TNXB: variants seen among roughly 807,000 people sequenced by gnomAD.
TNXB encodes the protein tenascin-X.
In TNXB, 183 loss-of-function variants were observed where a neutral mutation model predicts 340.5. That is an observed-to-expected ratio of 0.54 (90% CI 0.48 to 0.61). The LOEUF (loss-of-function observed/expected upper bound fraction) is 0.61, where lower values mean the gene tolerates loss of function less well. Ranked by LOEUF, TNXB falls within the 20% of genes least tolerant of loss-of-function variation. TNXB has a pLI of 0.00. For synonymous variants in TNXB, 2,121 were observed against 2,314.5 expected (o/e 0.92, Z 2.40); for missense variants, 4,613 against 5,446.4 (o/e 0.85, Z 4.82).
At chr6:32,106,828 C>T (rs1161891297) in intron 1 of TNXB, among the ~76,000 whole-genome samples, 1 of 152,254 alleles carries the variant, frequency 6.6e-6, no homozygotes, top group Non-Finnish European at 1.5e-5. Flanking sequence ...ATGCTAATCA[C>T]TCCCACACCC....
chr6:32,087,565 C>A lies in TNXB; in HGVS notation c.2779+1220G>T. The A allele has an allele frequency of 2.3e-6, 1 of 426,492 alleles. No individual in the cohort carries two copies. Among genetic ancestry groups the A allele is most frequent in the Admixed American group, 2.5e-5 (1 of 39,500 alleles). 26.4% of individuals were successfully genotyped at this position (426,492 alleles called of 1,614,324 possible). On this transcript the variant is annotated intron_variant, in intron 6 of 43. Transcript: ENST00000644971. The surrounding 1 kb of genome is among the most constrained non-coding windows in gnomAD (Gnocchi z 9.0). ...GCCTTCAGGCGAGAGGCCGTAGATT[C>A]CCTGGTTGGAGTCCCGTTTCCTGGT...
In TNXB at chr6:32,061,751, G is replaced by A. The variant is rs539876008; in HGVS notation, c.7169-31C>T. The A allele has an allele frequency of 2.7e-5, 43 of 1,600,730 alleles. No individual in the cohort carries two copies. In the East Asian group the frequency reaches 9.6e-4, roughly 36 times the overall value. ...AAAAAGGGACACAGAGAGGATGGCA[G>A]GGTCCCTGGGGGATGTGCTTACGTC... is the stretch of plus-strand genomic sequence containing the variant. On this transcript the variant is annotated intron_variant, in intron 20 of 43. Transcript: ENST00000644971. This position sits in a 1 kb window ranked among gnomAD's most constrained non-coding sequence, Gnocchi z 4.4.
At chr6:32,053,923 A>G (rs977850740) in intron 24 of TNXB, among the ~76,000 whole-genome samples, 2 of 115,600 alleles carry the variant, frequency 1.7e-5, no homozygotes, top group African/African-American at 6.6e-5. Context: ...ACCTCCCAAC[A>G]CCCAGGCCAC....
chr6:32,061,869 A>T lies in TNXB; in HGVS notation c.7169-149T>A. ...ACCTGAGGTCAGTTCAGAGAGGCCC[A>T]TTCTTGGGGTCCTGCTCAGCTGACA... On this transcript the variant is annotated intron_variant, in intron 20 of 43. Coordinates refer to ENST00000644971, the MANE Select transcript of TNXB (RefSeq NM_001365276.2). This position sits in a 1 kb window ranked among gnomAD's most constrained non-coding sequence, Gnocchi z 4.4. The T allele has an allele frequency of 1.7e-6, 2 of 1,199,920 alleles. No individual in the cohort carries two copies. The highest frequency in any genetic ancestry group is 2.3e-6 in the Non-Finnish European group (2 of 877,534). The allele number at this position is 1,199,920 out of a possible 1,614,324, so 74.3% of individuals were successfully genotyped here. A position where few individuals can be genotyped will look rare whatever the true frequency, so the allele number is the denominator to read the frequency against.
At chr6:32,054,370 A>G (rs150622545) in intron 24 of TNXB, among the ~76,000 whole-genome samples, 6,489 of 152,206 alleles carry the variant, frequency 0.043, 217 homozygotes, top group East Asian at 0.11. Flanking sequence ...CCACATCCTC[A>G]TCCCTGGGAG....
rs973135053 is a variant in TNXB, at chr6:32,097,060, C to T, written c.793G>A (p.Val265Met). 7.4e-6 allele frequency: 12 copies of T among 1,613,622 alleles called. No individual in the cohort carries two copies. The highest frequency in any genetic ancestry group is 1.1e-5 in the South Asian group (1 of 91,076). Residue 265 changes from valine (V) to methionine (M), a missense_variant, in exon 3 of 44, where the codon GTG (valine) becomes ATG (methionine). Physicochemically the swap from Val to Met is conservative, Grantham distance 21. This residue lies in a region of TNXB where 4,327 missense variants were observed against 4,859.4 expected (regional missense o/e 0.89). Coordinates refer to ENST00000644971, the MANE Select transcript of TNXB (RefSeq NM_001365276.2). The surrounding 1 kb of genome is among the most constrained non-coding windows in gnomAD (Gnocchi z 5.9). ...TCACCAGTGTAGCCTGGGTCACACA[C>T]GCAGCGCCCACCCTCACAGCGTCCC... ...QRGRCEGGRCVCDPGYTGDDC... is the reference protein window; with the variant it reads ...QRGRCEGGRCMCDPGYTGDDC...
In TNXB at chr6:32,097,682, AC is replaced by A; in HGVS notation, c.403+113del. On this transcript the variant is annotated intron_variant, in intron 2 of 43. Transcript: ENST00000644971. The surrounding 1 kb of genome is among the most constrained non-coding windows in gnomAD (Gnocchi z 5.9). ...AAGTTGTGTTCTGGGCTGCATCCAC[AC>A]CCCTCATGGTGAGGAAGGAGTGCCT... The A allele has an allele frequency of 7.9e-7, 1 of 1,272,534 alleles. No homozygotes were observed. Among genetic ancestry groups the A allele is most frequent in the Non-Finnish European group, 1.1e-6 (1 of 949,428 alleles). The allele number at this position is 1,272,534 out of a possible 1,614,324, so 78.8% of individuals were successfully genotyped here.
rs2151914948 is a variant in TNXB, at chr6:32,068,693, T to C, written c.5917A>G (p.Lys1973Glu). The change falls in exon 17 of 44, where the codon AAG becomes GAG. Residue 1973 changes from lysine to glutamate, a missense_variant. Transcript: ENST00000644971. This position sits in a 1 kb window ranked among gnomAD's most constrained non-coding sequence, Gnocchi z 5.3. ...GTTGCGGTGGGAGGTTCTGAAGGCT[T>C]CTCCTCCTCCGGGACTGGACAGAGA... is the stretch of plus-strand genomic sequence containing the variant. ...VEALTVPEEEKPSEPPTATPE... is the reference protein window; with the variant it reads ...VEALTVPEEEEPSEPPTATPE... The C allele has an allele frequency of 6.2e-7, 1 of 1,613,040 alleles. No individual in the cohort carries two copies. The highest frequency in any genetic ancestry group is 8.5e-7 in the Non-Finnish European group (1 of 1,179,446).
chr6:32,067,132 G>GAAGA lies in TNXB; in HGVS notation c.6544+525_6544+528dup, dbSNP rs9281648. On this transcript the variant is annotated intron_variant, in intron 18 of 43. Transcript: ENST00000644971. The surrounding 1 kb of genome is among the most constrained non-coding windows in gnomAD (Gnocchi z 4.2). The stretch of plus-strand genomic sequence containing the variant: ...AAGAAAGAGAAAGAAAGAAAGGAAG[G>GAAGA]AAGAAAGAAAGAAAGAAAGAAAGAA... Among the ~76,000 whole-genome samples, 14,806 of 117,740 alleles carry GAAGA rather than the reference G, an allele frequency of 0.13. 1,027 individuals carry two copies. The highest frequency in any genetic ancestry group is 0.16 in the Admixed American group (1,736 of 10,810). The allele number at this position is 117,740 out of a possible 152,430, so 77.2% of individuals were successfully genotyped here.
intron 1 of TNXB, among the ~76,000 whole-genome samples, chr6:32,104,538 T>C (rs991446820): frequency 3.3e-5 from 5 of 152,192 alleles, no homozygotes; most frequent in Admixed American, 2.0e-4. Context: ...CTCATAAACA[T>C]CTCTTTAATT....
In TNXB at chr6:32,046,455, A is replaced by T. The variant is rs184661158; in HGVS notation, c.10326T>A (p.Ala3442=). ...GGGGAGGTAGCTCCTTCTCCAGGGGAGCTGTGCAGAGGGAGGAGGGAAAGC... is the reference window on the plus strand; with the variant it reads ...GGGGAGGTAGCTCCTTCTCCAGGGGTGCTGTGCAGAGGGAGGAGGGAAAGC... ...LGPISADSTT[A]PLEKELPPHL... is the part of the protein sequence containing the mutation. The change falls in exon 31 of 44, where the codon GCT becomes GCA. Residue 3442 remains alanine, a splice_region_variant and synonymous_variant. Coordinates refer to ENST00000644971, the MANE Select transcript of TNXB (RefSeq NM_001365276.2). This position sits in a 1 kb window ranked among gnomAD's most constrained non-coding sequence, Gnocchi z 6.9. The T allele has an allele frequency of 1.3e-6, 2 of 1,569,898 alleles. No individual in the cohort carries two copies. The highest frequency in any genetic ancestry group is 4.6e-5 in the East Asian group (2 of 43,908).
At position 32,067,750 on chromosome 6, in the gene TNXB, C is replaced by G. The variant is rs763266186; in HGVS notation, c.6455G>C (p.Gly2152Ala). 3 of 1,613,660 alleles carry G rather than the reference C, an allele frequency of 1.9e-6. No homozygotes were observed. The highest frequency in any genetic ancestry group is 2.5e-6 in the Non-Finnish European group (3 of 1,179,894). The change falls in exon 18 of 44, where the codon GGC becomes GCC. Residue 2152 changes from glycine (G) to alanine (A), a missense_variant. By Grantham distance (60) the Gly-to-Ala change is moderately conservative. This residue lies in a region of TNXB where 4,327 missense variants were observed against 4,859.4 expected (regional missense o/e 0.89). Transcript: ENST00000644971. This position sits in a 1 kb window ranked among gnomAD's most constrained non-coding sequence, Gnocchi z 4.2. ...GGEESEVTVG[G>A]LEPGRKYKMH... is the part of the protein sequence containing the mutation. ...CTTGTACTTGCGCCCAGGCTCCAGG[C>G]CCCCCACGGTGACTTCACTCTCCTC...
Position 32,052,846 on chromosome 6 carries a change from T to C in TNXB, c.8939A>G (p.Asp2980Gly), listed in dbSNP as rs1267968327. Residue 2980 changes from aspartate (D) to glycine (G), a missense_variant, in exon 26 of 44, where the codon GAC becomes GGC. Coordinates refer to ENST00000644971, the MANE Select transcript of TNXB (RefSeq NM_001365276.2). This position sits in a 1 kb window ranked among gnomAD's most constrained non-coding sequence, Gnocchi z 4.7. ...GTCCTTGTACTGCACAGTGAAGGAGTCGAAGCGGCCCTGGGGGATGGTCCA... is the reference window on the plus strand; with the variant it reads ...GTCCTTGTACTGCACAGTGAAGGAGCCGAAGCGGCCCTGGGGGATGGTCCA... ...LSWTIPQGRF[D>G]SFTVQYKDRD... is the part of the protein sequence containing the mutation. 2 of 1,612,498 alleles carry C rather than the reference T, an allele frequency of 1.2e-6. No individual in the cohort carries two copies. The highest frequency in any genetic ancestry group is 2.2e-5 in the South Asian group (2 of 91,022).
Position 32,061,628 on chromosome 6 carries a change from C to T in TNXB, c.7261G>A (p.Gly2421Arg). Reference sequence around the variant, plus strand: ...AGGCTCAGCGAGTCAGGGGAGGATCCTGTCACTGTTAGCTCCCCCAGGAGC... The same window carrying T: ...AGGCTCAGCGAGTCAGGGGAGGATCTTGTCACTGTTAGCTCCCCCAGGAGC... ...EPLLGELTVTGSSPDSLSLSW... is the reference protein window; with the variant it reads ...EPLLGELTVTRSSPDSLSLSW... Residue 2421 changes from glycine to arginine, a missense_variant, in exon 21 of 44, where the codon GGA becomes AGA. By Grantham distance (125) the Gly-to-Arg change is moderately radical. Transcript: ENST00000644971. The surrounding 1 kb of genome is among the most constrained non-coding windows in gnomAD (Gnocchi z 4.4). The T allele has an allele frequency of 6.2e-7, 1 of 1,612,814 alleles. No homozygotes were observed. Among genetic ancestry groups the T allele is most frequent in the Non-Finnish European group, 8.5e-7 (1 of 1,179,820 alleles).
In TNXB at chr6:32,082,431, G is replaced by A. The variant is rs893091593; in HGVS notation, c.3446-105C>T. The A allele has an allele frequency of 1.7e-6, 2 of 1,167,314 alleles. No individual in the cohort carries two copies. Among genetic ancestry groups the A allele is most frequent in the African/African-American group, 3.1e-5 (2 of 65,282 alleles). The allele number at this position is 1,167,314 out of a possible 1,614,324, so 72.3% of individuals were successfully genotyped here. A position where few individuals can be genotyped will look rare whatever the true frequency, so the allele number is the denominator to read the frequency against. ...TGTGAGGCTGTGCAGGTTGTTCACT[G>A]CACAAAAGTGCATTTGCTGAGGGAG... On this transcript the variant is annotated intron_variant, in intron 8 of 43. Coordinates refer to ENST00000644971, the MANE Select transcript of TNXB (RefSeq NM_001365276.2). This position sits in a 1 kb window ranked among gnomAD's most constrained non-coding sequence, Gnocchi z 5.0.
rs1442269562 is a variant in TNXB, at chr6:32,072,289, G to A, written c.4691C>T (p.Pro1564Leu). ...GGAGGCCTCTGTGGCTGGGGCTGGT[G>A]GGAGGGGAGCTGGGATTTGGGAAGA... The part of the protein sequence containing the change: ...LSVVIVTAPL[P>L]PAPATEASKP... Residue 1564 changes from proline to leucine, a missense_variant, in exon 13 of 44, where the codon CCA (proline) becomes CTA (leucine). Around this residue, in one of 7 missense-constraint regions of TNXB, gnomAD observed 4,327 missense variants for 4,859.4 expected, o/e 0.89. Transcript: ENST00000644971. This position sits in a 1 kb window ranked among gnomAD's most constrained non-coding sequence, Gnocchi z 4.4. 1 of 1,597,488 alleles carries A rather than the reference G, an allele frequency of 6.3e-7. No homozygotes were observed. The highest frequency in any genetic ancestry group is 8.5e-7 in the Non-Finnish European group (1 of 1,170,308).
At position 32,079,563 on chromosome 6, in the gene TNXB, G is replaced by T. The variant is rs1429915693; in HGVS notation, c.4043-198C>A. ...CTGGTGGGTTCTGTGGGGGTGAGGGGTCTCCCTTCGTGTCTGAGAAAGGAG... is the reference window on the plus strand; with the variant it reads ...CTGGTGGGTTCTGTGGGGGTGAGGGTTCTCCCTTCGTGTCTGAGAAAGGAG... On this transcript the variant is annotated intron_variant, in intron 10 of 43. Transcript: ENST00000644971. The surrounding 1 kb of genome is among the most constrained non-coding windows in gnomAD (Gnocchi z 7.1). Among the ~76,000 whole-genome samples the T allele has an allele frequency of 3.3e-5, 5 of 152,318 alleles. No homozygotes were observed. The highest frequency in any genetic ancestry group is 5.9e-5 in the Non-Finnish European group (4 of 68,020).
chr6:32,069,079 G>A lies in TNXB; in HGVS notation c.5645C>T (p.Pro1882Leu), dbSNP rs760212945. Residue 1882 changes from proline (P) to leucine (L), a missense_variant, in exon 16 of 44, where the codon CCC (proline) becomes CTC (leucine). Coordinates refer to ENST00000644971, the MANE Select transcript of TNXB (RefSeq NM_001365276.2). This position sits in a 1 kb window ranked among gnomAD's most constrained non-coding sequence, Gnocchi z 6.2. ...CTCCACTGTCAACTCCCCGAGGTGG[G>A]GCTCAGGCGCTGGAGGGGTCGGGGC... ...TTAPTPPAPE[P>L]HLGELTVEEA... 6 of 1,612,608 alleles carry A rather than the reference G, an allele frequency of 3.7e-6. No homozygotes were observed. Among genetic ancestry groups the A allele is most frequent in the Non-Finnish European group, 4.2e-6 (5 of 1,179,848 alleles).
chr6:32,049,885 A>G lies in TNXB; in HGVS notation c.9439+113T>C. The G allele has an allele frequency of 6.6e-7, 1 of 1,513,242 alleles. No homozygotes were observed. Among genetic ancestry groups the G allele is most frequent in the East Asian group, 2.3e-5 (1 of 42,896 alleles). The allele number at this position is 1,513,242 out of a possible 1,614,324, so 93.7% of individuals were successfully genotyped here. On this transcript the variant is annotated intron_variant, in intron 27 of 43. Transcript: ENST00000644971. The surrounding 1 kb of genome is among the most constrained non-coding windows in gnomAD (Gnocchi z 4.5). ...AAGGGGAGTCCCAGCCCCAGCCACA[A>G]GCAGTTCTGTGGTGCTGACCAGACC...
Sources: allele counts gnomAD v4.1 joint callset (sites outside exome capture counted in the v4.1 genomes callset), GRCh38; gene constraint gnomAD v4.1.1; regional missense constraint gnomAD v4.1.1; non-coding constraint Gnocchi (gnomAD v3.1); transcripts MANE v1.5; gene names NCBI Gene and HGNC (gene_info 2026-07-23, HGNC 2026-07-21).